The following MATCAP2 variants were observed in gnomAD, a reference collection of about 807,000 sequenced individuals.
The protein encoded by MATCAP2 is microtubule associated tyrosine carboxypeptidase 2.
At chr7:36,370,476 A>T in the MATCAP2 span, among the ~76,000 whole-genome samples, 1 of 151,864 alleles carries the variant, frequency 6.6e-6, no homozygotes, top group African/African-American at 2.4e-5. Flanking sequence ...TTTTATTTTT[A>T]TTTATTTATT....
At chr7:36,384,106 G>A in the MATCAP2 span, among the ~76,000 whole-genome samples, 1 of 152,046 alleles carries the variant, frequency 6.6e-6, no homozygotes, top group Non-Finnish European at 1.5e-5. Flanking sequence ...TACAGCATTT[G>A]GAGGGTCTTT....
chr7:36,353,670 G>A, the MATCAP2 span, among the ~76,000 whole-genome samples: 5 of 151,796 alleles, frequency 3.3e-5, no homozygotes, highest in South Asian at 2.1e-4. Context: ...TAGTAGAGAC[G>A]GGGTTTCACC....
At chr7:36,389,109 C>T in the MATCAP2 span, among the ~76,000 whole-genome samples, 1 of 152,156 alleles carries the variant, frequency 6.6e-6, no homozygotes, top group East Asian at 1.9e-4. Context: ...GGCTGGAATG[C>T]AGTGGTGTGA....
chr7:36,337,926 G>C, the MATCAP2 span: 2 of 152,050 alleles, frequency 1.3e-5, no homozygotes, highest in African/African-American at 4.8e-5. Context: ...TCATTGGTAT[G>C]TTACCACTGA....
chr7:36,370,642 C>T, the MATCAP2 span, among the ~76,000 whole-genome samples: 6 of 151,926 alleles, frequency 3.9e-5, no homozygotes, highest in African/African-American at 1.5e-4. Flanking sequence ...CCACCACACC[C>T]GGCTAATTTT....
the MATCAP2 span, chr7:36,384,007 T>C: frequency 2.5e-5 from 13 of 513,318 alleles, no homozygotes; most frequent in South Asian, 6.4e-4. Flanking sequence ...TAAAATTAAA[T>C]ATAAATAGTA....
chr7:36,389,874 G>A, the MATCAP2 span: 7 of 1,384,184 alleles, frequency 5.1e-6, no homozygotes, highest in Admixed American at 7.3e-5. Flanking sequence ...GTCCGTCACT[G>A]GAAGCCGAGA....
the MATCAP2 span, chr7:36,356,901 C>T: frequency 6.2e-7 from 1 of 1,613,234 alleles, no homozygotes; most frequent in Non-Finnish European, 8.5e-7. Context: ...TGGCATTTTA[C>T]CTGCTTAAGA....
At chr7:36,389,014 T>C in the MATCAP2 span, among the ~76,000 whole-genome samples, 13 of 152,256 alleles carry the variant, frequency 8.5e-5, no homozygotes, top group African/African-American at 2.9e-4. Flanking sequence ...AGGAGTTGGG[T>C]GTGACCTAGG....
the MATCAP2 span, among the ~76,000 whole-genome samples, chr7:36,340,853 T>C: frequency 6.6e-6 from 1 of 152,258 alleles, no homozygotes; most frequent in Non-Finnish European, 1.5e-5. Flanking sequence ...TGATTTCTGC[T>C]TCCTTATACA....
the MATCAP2 span, among the ~76,000 whole-genome samples, chr7:36,374,041 G>A: frequency 6.6e-6 from 1 of 151,992 alleles, no homozygotes; most frequent in African/African-American, 2.4e-5. Context: ...CAAAGTACTG[G>A]GATTACAGGC....
the MATCAP2 span, among the ~76,000 whole-genome samples, chr7:36,361,992 T>C: frequency 6.6e-5 from 10 of 152,158 alleles, 1 homozygote; most frequent in Admixed American, 3.3e-4. Context: ...GCAGTTACCT[T>C]TGAGGGATGA....
the MATCAP2 span, among the ~76,000 whole-genome samples, chr7:36,377,796 G>A: frequency 1.3e-4 from 20 of 152,186 alleles, no homozygotes; most frequent in Non-Finnish European, 2.4e-4. Context: ...GGCTTTGTTC[G>A]TTTCTTTTTA....
chr7:36,331,714 G>A, the MATCAP2 span, among the ~76,000 whole-genome samples: 1 of 152,190 alleles, frequency 6.6e-6, no homozygotes, highest in East Asian at 1.9e-4. Context: ...AACATTTCAT[G>A]AATCTGAACG....
chr7:36,389,862 G>A, the MATCAP2 span: 2 of 1,281,514 alleles, frequency 1.6e-6, no homozygotes, highest in Non-Finnish European at 2.2e-6. Context: ...TGCAGAGGCC[G>A]AGTCCGTCAC....
chr7:36,328,210 C>T, the MATCAP2 span, among the ~76,000 whole-genome samples: 4 of 130,898 alleles, frequency 3.1e-5, no homozygotes, highest in Admixed American at 8.6e-5. Context: ...CATGTGCCAC[C>T]ATGCCCGGCT....
At chr7:36,362,353 T>C in the MATCAP2 span, among the ~76,000 whole-genome samples, 3 of 152,210 alleles carry the variant, frequency 2.0e-5, no homozygotes, top group Admixed American at 2.0e-4. Flanking sequence ...CTTAAAAATT[T>C]CACAGCCCCA....
chr7:36,382,496 T>G, the MATCAP2 span, among the ~76,000 whole-genome samples: 23 of 152,150 alleles, frequency 1.5e-4, no homozygotes, highest in African/African-American at 3.9e-4. Flanking sequence ...AATAGCTTTT[T>G]TTTTTTTTTG....
chr7:36,335,121 C>A, the MATCAP2 span: 1 of 1,613,888 alleles, frequency 6.2e-7, no homozygotes, highest in East Asian at 2.2e-5. Flanking sequence ...GTCGGACATC[C>A]ATTTACTACT....
Sources: gnomAD v4.1 joint callset for allele counts (sites outside exome capture counted in the v4.1 genomes callset) on GRCh38, gnomAD v4.1.1 for gene constraint, MANE v1.5 for transcripts, NCBI Gene and HGNC (gene_info 2026-07-23, HGNC 2026-07-21) for gene names.